The following MGAT4C variants were observed in gnomAD, a reference collection of about 807,000 sequenced individuals.
The protein encoded by MGAT4C is MGAT4 family member C.
Under a neutral mutation model 40.1 loss-of-function variants are expected in MGAT4C, and 19 were observed. That is an observed-to-expected ratio of 0.47 (90% CI 0.33 to 0.70). The LOEUF is 0.70. MGAT4C is among the 30% of genes least tolerant of loss of function. The pLI, the probability that MGAT4C is intolerant of heterozygous loss-of-function variation, is 0.02. For missense variants in MGAT4C, 491 were observed against 563.2 expected (o/e 0.87, Z 1.30); for synonymous variants, 181 against 187.1 (o/e 0.97, Z 0.27).
intron 1 of MGAT4C, among the ~76,000 whole-genome samples, chr12:86,798,369 T>C (rs1053339671): frequency 1.4e-4 from 22 of 152,004 alleles, no homozygotes; most frequent in African/African-American, 3.9e-4. Flanking sequence ...GAATCTACTT[T>C]CGACTTAATG....
At chr12:86,364,831 G>T (rs1193094063) in intron 3 of MGAT4C, among the ~76,000 whole-genome samples, 1 of 152,150 alleles carries the variant, frequency 6.6e-6, no homozygotes, top group African/African-American at 2.4e-5. Context: ...CAGAGATCAT[G>T]TGCTTCACAA....
At chr12:86,687,514 C>G (rs1474872329) in intron 2 of MGAT4C, among the ~76,000 whole-genome samples, 1 of 152,182 alleles carries the variant, frequency 6.6e-6, no homozygotes, top group Non-Finnish European at 1.5e-5. Flanking sequence ...TTAGCTGTTT[C>G]CCAGAAATTC....
At chr12:86,525,791 T>C (rs573490320) in intron 2 of MGAT4C, among the ~76,000 whole-genome samples, 13 of 152,278 alleles carry the variant, frequency 8.5e-5, no homozygotes, top group African/African-American at 2.2e-4. Flanking sequence ...CACTGGATCA[T>C]TGAGGTTAGG....
intron 4 of MGAT4C, among the ~76,000 whole-genome samples, chr12:86,303,249 AATTG>A (rs1435384473): frequency 8.6e-5 from 13 of 150,606 alleles, no homozygotes; most frequent in Middle Eastern, 3.4e-3. Context: ...TGTTATTATT[AATTG>A]ATTATGTCTG....
chr12:86,604,347 A>G (rs553290732), intron 2 of MGAT4C, among the ~76,000 whole-genome samples: 1 of 152,162 alleles, frequency 6.6e-6, no homozygotes, highest in East Asian at 1.9e-4. Flanking sequence ...GCTTTGATTT[A>G]CCTCTGGATC....
At chr12:86,187,389 C>A (rs1016055865) in intron 1 of MGAT4C, among the ~76,000 whole-genome samples, 15 of 151,882 alleles carry the variant, frequency 9.9e-5, no homozygotes, top group Non-Finnish European at 2.1e-4. Context: ...TCTTAATGAA[C>A]TTATACAATA....
At chr12:86,141,022 A>T (rs992731180) in intron 1 of MGAT4C, among the ~76,000 whole-genome samples, 6 of 152,162 alleles carry the variant, frequency 3.9e-5, no homozygotes, top group Admixed American at 3.9e-4. Context: ...GAAAGGTGAA[A>T]TGTGCTCATT....
At chr12:86,034,232 G>T (rs1891011243) in intron 2 of MGAT4C, among the ~76,000 whole-genome samples, 1 of 149,524 alleles carries the variant, frequency 6.7e-6, no homozygotes, top group South Asian at 2.1e-4. Context: ...TTGTGTCTCT[G>T]CCAGGTTTCA....
chr12:86,764,377 G>A (rs1003724742), intron 1 of MGAT4C, among the ~76,000 whole-genome samples: 4 of 152,144 alleles, frequency 2.6e-5, no homozygotes, highest in African/African-American at 9.7e-5. Flanking sequence ...GAACTGGGTG[G>A]AGCCCACCAC....
At chr12:86,553,254 A>C (rs1959451906) in intron 2 of MGAT4C, among the ~76,000 whole-genome samples, 1 of 152,098 alleles carries the variant, frequency 6.6e-6, no homozygotes, top group African/African-American at 2.4e-5. Context: ...GGCTTAATGA[A>C]AGTGTGATTC....
chr12:86,230,460 C>G (rs1482223368), intron 1 of MGAT4C, among the ~76,000 whole-genome samples: 1 of 152,146 alleles, frequency 6.6e-6, no homozygotes, highest in Non-Finnish European at 1.5e-5. Context: ...TTACATCCAT[C>G]CTTTAACTCA....
At chr12:86,443,577 G>GT (rs888715137) in intron 2 of MGAT4C, among the ~76,000 whole-genome samples, 23 of 151,644 alleles carry the variant, frequency 1.5e-4, no homozygotes, top group Admixed American at 5.9e-4. Flanking sequence ...CTACCAAACT[G>GT]TTTTTTTTTT....
chr12:85,987,636 A>G (rs1209942909), intron 3 of MGAT4C, among the ~76,000 whole-genome samples: 1 of 152,194 alleles, frequency 6.6e-6, no homozygotes, highest in Admixed American at 6.5e-5. Context: ...AACATTTGCA[A>G]AACAGGAACA....
intron 3 of MGAT4C, among the ~76,000 whole-genome samples, chr12:86,365,562 A>G (rs1403654329): frequency 1.3e-5 from 2 of 152,216 alleles, no homozygotes; most frequent in Non-Finnish European, 2.9e-5. Flanking sequence ...GAAATTATAA[A>G]AGTATTAATT....
chr12:86,026,271 T>C (rs1413260808), intron 2 of MGAT4C, among the ~76,000 whole-genome samples: 4 of 151,842 alleles, frequency 2.6e-5, no homozygotes, highest in African/African-American at 7.2e-5. Flanking sequence ...CTACTACTGA[T>C]TACCATTGCT....
At chr12:86,817,618 A>G (rs1420375381) in intron 1 of MGAT4C, among the ~76,000 whole-genome samples, 1 of 151,636 alleles carries the variant, frequency 6.6e-6, no homozygotes, top group Non-Finnish European at 1.5e-5. Context: ...CTTTGTTGCT[A>G]TAAGCATTAA....
intron 2 of MGAT4C, among the ~76,000 whole-genome samples, chr12:85,993,082 G>A (rs1490137091): frequency 6.6e-6 from 1 of 152,176 alleles, no homozygotes; most frequent in Non-Finnish European, 1.5e-5. Flanking sequence ...CCCCATTAAG[G>A]TCCAGGTCCC....
intron 2 of MGAT4C, among the ~76,000 whole-genome samples, chr12:86,479,759 T>C (rs1957903123): frequency 1.3e-5 from 2 of 151,866 alleles, no homozygotes; most frequent in South Asian, 4.2e-4. Flanking sequence ...ACTTTCAAAG[T>C]TACCTACATC....
At chr12:86,203,046 G>GTT (rs1313385888) in intron 1 of MGAT4C, among the ~76,000 whole-genome samples, 1 of 91,488 alleles carries the variant, frequency 1.1e-5, no homozygotes, top group Admixed American at 1.1e-4. Flanking sequence ...GTGTGTGTGT[G>GTT]TGTGTGTGTT....
Sources: gnomAD v4.1 joint callset for allele counts (sites outside exome capture counted in the v4.1 genomes callset) on GRCh38, gnomAD v4.1.1 for gene constraint, MANE v1.5 for transcripts, NCBI Gene and HGNC (gene_info 2026-07-23, HGNC 2026-07-21) for gene names.